Variants in ANO6 observed in about 807,000 individuals in gnomAD.
ANO6 encodes the protein anoctamin-6.
ANO6 carries 106 observed loss-of-function variants against 117.5 expected under a neutral mutation model. That is an observed-to-expected ratio of 0.90 (90% CI 0.77 to 1.06). The LOEUF is 1.06. Among genes scored for constraint, ANO6 ranks in the 50% least tolerant of loss-of-function variants. The pLI, the probability that ANO6 is intolerant of heterozygous loss-of-function variation, is 0.00. For missense variants in ANO6, 955 were observed against 1,121.1 expected, an observed-to-expected ratio of 0.85 and a Z score of 2.12; for synonymous variants, 367 against 385.1, an observed-to-expected ratio of 0.95 and a Z score of 0.55.
At chr12:45,218,813 G>C (rs113986248) in intron 1 of ANO6, among the ~76,000 whole-genome samples, 1,660 of 152,176 alleles carry the variant, frequency 0.011, 30 homozygotes, top group African/African-American at 0.036. Flanking sequence ...CTGTATTTAC[G>C]CTATTAACTA....
chr12:45,395,868 A>G (rs1942596993), intron 12 of ANO6, among the ~76,000 whole-genome samples: 1 of 152,204 alleles, frequency 6.6e-6, no homozygotes, highest in Admixed American at 6.5e-5. Context: ...ATTTATGACA[A>G]ACCCACAGCC....
Position 45,411,342 on chromosome 12 carries a change from T to C in ANO6, c.2011+1855T>C, listed in dbSNP as rs186114032. Reference sequence around the variant, plus strand: ...TAGAATAACAGCTGTTATAGACAGATTTTTAGGTTTATTAGGTTGTTTTCC... The same window carrying C: ...TAGAATAACAGCTGTTATAGACAGACTTTTAGGTTTATTAGGTTGTTTTCC... On this transcript the variant is annotated intron_variant, in intron 16 of 19. Coordinates refer to ENST00000320560, the MANE Select transcript of ANO6 (RefSeq NM_001025356.3). 5.9e-5 allele frequency among the ~76,000 whole-genome samples: 9 copies of C among 152,232 alleles called. No individual in the cohort carries two copies. In the East Asian group the frequency reaches 1.7e-3, roughly 29 times the overall value.
chr12:45,371,294 G>A (rs1376321676), intron 9 of ANO6, among the ~76,000 whole-genome samples: 3 of 152,214 alleles, frequency 2.0e-5, no homozygotes, highest in Non-Finnish European at 4.4e-5. Context: ...AGGGGCGCCC[G>A]CCATTGCCCA....
rs181987128 is a variant in ANO6 at position 45,290,120 on chromosome 12, C to G, written c.71-11894C>G. Among the ~76,000 whole-genome samples, 206 of 152,102 alleles carry G rather than the reference C, an allele frequency of 1.4e-3. 2 individuals carry two copies. Among genetic ancestry groups the G allele is most frequent in the Non-Finnish European group, 2.2e-3 (151 of 67,988 alleles). On this transcript the variant is annotated intron_variant, in intron 1 of 19. Transcript: ENST00000320560. ...ATGTGTTTGGGTAAGGCATGCTGTT[C>G]CAGACTTCACTGGGGGTGCATTAGT...
In ANO6 at chr12:45,409,448, A is replaced by G. The variant is rs371524042; in HGVS notation, c.1972A>G (p.Met658Val). The G allele has an allele frequency of 2.2e-5, 35 of 1,614,070 alleles. No individual in the cohort carries two copies. The highest frequency in any genetic ancestry group is 1.8e-4 in the East Asian group (8 of 44,876). The part of the protein sequence containing the change: ...RWEQDYHLQP[M>V]GKLGLFYEYL... Reference sequence around the variant, plus strand: ...GGAACAGGACTACCATCTGCAGCCTATGGGCAAACTGGGATTATTTTATGA... The same window carrying G: ...GGAACAGGACTACCATCTGCAGCCTGTGGGCAAACTGGGATTATTTTATGA... Residue 658 changes from methionine to valine, a missense_variant, in exon 16 of 20, where the codon ATG becomes GTG. Coordinates refer to ENST00000320560, the MANE Select transcript of ANO6 (RefSeq NM_001025356.3).
At chr12:45,262,902 A>G (rs1229788829) in intron 1 of ANO6, among the ~76,000 whole-genome samples, 1 of 152,194 alleles carries the variant, frequency 6.6e-6, no homozygotes, top group East Asian at 1.9e-4. Flanking sequence ...AGTAGTGAAC[A>G]AAACATGGCT....
chr12:45,259,643 G>C (rs549801659), intron 1 of ANO6, among the ~76,000 whole-genome samples: 1 of 152,268 alleles, frequency 6.6e-6, no homozygotes, highest in East Asian at 1.9e-4. Flanking sequence ...CAGCAAACAG[G>C]CTTATTCCTG....
intron 10 of ANO6, among the ~76,000 whole-genome samples, chr12:45,383,969 A>G (rs1942233027): frequency 6.6e-6 from 1 of 152,236 alleles, no homozygotes. Context: ...CCCAGATGAC[A>G]TCTTCTTCCA....
chr12:45,247,937 A>C (rs1947849904), intron 1 of ANO6, among the ~76,000 whole-genome samples: 1 of 152,208 alleles, frequency 6.6e-6, no homozygotes, highest in Non-Finnish European at 1.5e-5. Flanking sequence ...ATAAGCATGA[A>C]CAGATACAAT....
intron 10 of ANO6, among the ~76,000 whole-genome samples, chr12:45,386,949 G>T (rs1471976408): frequency 6.6e-6 from 1 of 152,200 alleles, no homozygotes; most frequent in Non-Finnish European, 1.5e-5. Context: ...TTCTGGTTCT[G>T]TGTGCCCAGA....
intron 16 of ANO6, among the ~76,000 whole-genome samples, chr12:45,412,998 A>G (rs1048447061): frequency 1.3e-5 from 2 of 152,230 alleles, no homozygotes; most frequent in Admixed American, 1.3e-4. Context: ...GCAAGTGAAC[A>G]AAGGACTCAC....
chr12:45,262,606 TAG>T (rs1288778107), intron 1 of ANO6, among the ~76,000 whole-genome samples: 2 of 152,076 alleles, frequency 1.3e-5, no homozygotes, highest in African/African-American at 4.8e-5. Flanking sequence ...GTATTTTTAG[TAG>T]AGACAGGGTT....
chr12:45,296,230 T>C (rs150753200), intron 1 of ANO6, among the ~76,000 whole-genome samples: 21 of 152,334 alleles, frequency 1.4e-4, no homozygotes, highest in African/African-American at 5.1e-4. Flanking sequence ...GCGTGGCAGA[T>C]CTCTAGATAT....
chr12:45,290,658 T>C (rs1237871278), intron 1 of ANO6, among the ~76,000 whole-genome samples: 1 of 152,254 alleles, frequency 6.6e-6, no homozygotes, highest in Admixed American at 6.5e-5. Context: ...ATCAGCTGTC[T>C]AAACCAGGCT....
intron 15 of ANO6, among the ~76,000 whole-genome samples, chr12:45,406,184 A>T (rs1429235106): frequency 1.3e-5 from 2 of 152,210 alleles, no homozygotes; most frequent in Non-Finnish European, 2.9e-5. Context: ...CCTCCCCAGT[A>T]CCTGGCATAT....
At chr12:45,240,434 CTG>C (rs1947724117) in intron 1 of ANO6, among the ~76,000 whole-genome samples, 1 of 119,970 alleles carries the variant, frequency 8.3e-6, no homozygotes, top group Admixed American at 1.1e-4. Flanking sequence ...TATTTTGAGC[CTG>C]TGTGTGTCTC....
intron 10 of ANO6, among the ~76,000 whole-genome samples, chr12:45,385,528 GGGTTGGCTCAT>G (rs1237605034): frequency 3.3e-5 from 5 of 152,234 alleles, no homozygotes; most frequent in African/African-American, 7.2e-5. Context: ...AGCCTAGGGA[GGGTTGGCTCAT>G]GGGTGGCTCA....
At chr12:45,428,216 T>C (rs1943551844) in intron 19 of ANO6, among the ~76,000 whole-genome samples, 1 of 152,206 alleles carries the variant, frequency 6.6e-6, no homozygotes, top group Non-Finnish European at 1.5e-5. Context: ...TGCCTGTTCA[T>C]AGGGGAACAA....
chr12:45,347,787 T>C lies in ANO6; in HGVS notation c.346-241T>C, dbSNP rs76462867. On this transcript the variant is annotated intron_variant, in intron 4 of 19. Transcript: ENST00000320560. Reference sequence around the variant, plus strand: ...TGGTTTTCTTCATTTTATAAATTATTTTCATAGTTTTATGAACTATGATGA... The same window carrying C: ...TGGTTTTCTTCATTTTATAAATTATCTTCATAGTTTTATGAACTATGATGA... Among the ~76,000 whole-genome samples the C allele has an allele frequency of 2.6e-3, 400 of 152,340 alleles. 5 individuals carry two copies. In the East Asian group the frequency reaches 0.034, roughly 13 times the overall value.
Sources: allele counts gnomAD v4.1 joint callset (sites outside exome capture counted in the v4.1 genomes callset), GRCh38; gene constraint gnomAD v4.1.1; transcripts MANE v1.5; gene names NCBI Gene and HGNC (gene_info 2026-07-23, HGNC 2026-07-21).